KCNJ3: variants seen among roughly 807,000 people sequenced by gnomAD.
KCNJ3 encodes the protein G protein-activated inward rectifier potassium channel 1.
In KCNJ3, 4 loss-of-function variants were observed where a neutral mutation model predicts 39.2. That is an observed-to-expected ratio of 0.10 (90% CI 0.05 to 0.23). The LOEUF is 0.23. Ranked by LOEUF, KCNJ3 falls within the 10% of genes least tolerant of loss-of-function variation. KCNJ3 has a pLI of 1.00. For synonymous variants in KCNJ3, 230 were observed against 237.4 expected (o/e 0.97, Z 0.29); for missense variants, 276 against 634.9 (o/e 0.43, Z 6.08).
chr2:154,725,659 C>CA (rs997965449), intron 2 of KCNJ3, among the ~76,000 whole-genome samples: 4 of 151,938 alleles, frequency 2.6e-5, no homozygotes, highest in African/African-American at 9.7e-5. Flanking sequence ...CAAGACTAAG[C>CA]AAAAAGAACA....
intron 2 of KCNJ3, among the ~76,000 whole-genome samples, chr2:154,769,084 G>A (rs1686187869): frequency 6.6e-6 from 1 of 152,102 alleles, no homozygotes; most frequent in East Asian, 1.9e-4. Flanking sequence ...AGGAGATTTT[G>A]GGCTGAGACA....
At chr2:154,821,768 G>T (rs151208440) in intron 2 of KCNJ3, among the ~76,000 whole-genome samples, 1 of 148,060 alleles carries the variant, frequency 6.8e-6, no homozygotes, top group East Asian at 2.1e-4. Context: ...AGCCTCCTGA[G>T]TAGCTGGGTC....
Position 154,809,369 on chromosome 2 carries a change from G to A in KCNJ3, c.920-45358G>A, listed in dbSNP as rs551218817. On this transcript the variant is annotated intron_variant, in intron 2 of 2. Coordinates refer to ENST00000295101, the MANE Select transcript of KCNJ3 (RefSeq NM_002239.4). ...TTTATTTCATTACGGAGAAAACTGA[G>A]AAGAGCAGTGAATGATCTTACCTAC... 8.5e-5 allele frequency among the ~76,000 whole-genome samples: 13 copies of A among 152,290 alleles called. No homozygotes were observed. The East Asian group carries it at 2.3e-3, about 27-fold the overall frequency.
At chr2:154,708,275 C>T (rs1685047243) in intron 1 of KCNJ3, among the ~76,000 whole-genome samples, 1 of 152,074 alleles carries the variant, frequency 6.6e-6, no homozygotes, top group Non-Finnish European at 1.5e-5. Context: ...CAATTGCTGC[C>T]ATAATGAAGC....
At chr2:154,786,649 G>C (rs1174401860) in intron 2 of KCNJ3, among the ~76,000 whole-genome samples, 2 of 151,926 alleles carry the variant, frequency 1.3e-5, no homozygotes, top group Non-Finnish European at 2.9e-5. Context: ...ATTATTTATT[G>C]CCCCTGGCCC....
At chr2:154,766,229 A>G (rs1686130637) in intron 2 of KCNJ3, among the ~76,000 whole-genome samples, 2 of 152,224 alleles carry the variant, frequency 1.3e-5, no homozygotes, top group Non-Finnish European at 2.9e-5. Context: ...GAATCTCTGC[A>G]TTAACCAGTT....
At chr2:154,824,321 G>T (rs1026815369) in intron 2 of KCNJ3, among the ~76,000 whole-genome samples, 4 of 152,018 alleles carry the variant, frequency 2.6e-5, no homozygotes, top group Admixed American at 2.6e-4. Context: ...GGATGACAGA[G>T]TGAGATCTCA....
intron 2 of KCNJ3, among the ~76,000 whole-genome samples, chr2:154,823,714 TTTAAA>T (rs1216143249): frequency 6.6e-6 from 1 of 152,196 alleles, no homozygotes; most frequent in African/African-American, 2.4e-5. Context: ...CTCAGCCCAA[TTTAAA>T]TTAGTTTCCT....
At chr2:154,781,468 T>G (rs1686436048) in intron 2 of KCNJ3, among the ~76,000 whole-genome samples, 1 of 152,158 alleles carries the variant, frequency 6.6e-6, no homozygotes, top group Non-Finnish European at 1.5e-5. Flanking sequence ...AATTTTAGTA[T>G]TTGCTGGTAG....
chr2:154,824,859 G>A (rs896155903), intron 2 of KCNJ3, among the ~76,000 whole-genome samples: 6 of 152,156 alleles, frequency 3.9e-5, no homozygotes, highest in Non-Finnish European at 7.4e-5. Flanking sequence ...AGGGGTGCAG[G>A]CCAAAGCAAC....
chr2:154,831,395 T>C (rs1278936956), intron 2 of KCNJ3, among the ~76,000 whole-genome samples: 1 of 152,180 alleles, frequency 6.6e-6, no homozygotes, highest in Admixed American at 6.6e-5. Context: ...ATATTAATAA[T>C]TACGGTAGTA....
rs1007000255 is a variant in KCNJ3, at chr2:154,719,070, G to A, written c.919+9251G>A. Among the ~76,000 whole-genome samples the A allele has an allele frequency of 2.6e-5, 4 of 152,204 alleles. No homozygotes were observed. The South Asian group carries it at 6.2e-4, about 24-fold the overall frequency. ...GAGTTTTTTCAAGATGAGGTCTTGG[G>A]ACTACCTGTATCATAATCTCATGGG... On this transcript the variant is annotated intron_variant, in intron 2 of 2. Transcript: ENST00000295101.
chr2:154,830,738 A>ATGAT (rs1381183726), intron 2 of KCNJ3, among the ~76,000 whole-genome samples: 1 of 151,428 alleles, frequency 6.6e-6, no homozygotes, highest in South Asian at 2.1e-4. Flanking sequence ...TTAATGGCAC[A>ATGAT]TGATTAGATG....
At chr2:154,828,561 GA>G (rs1252589892) in intron 2 of KCNJ3, among the ~76,000 whole-genome samples, 1 of 152,134 alleles carries the variant, frequency 6.6e-6, no homozygotes, top group African/African-American at 2.4e-5. Flanking sequence ...TTGGGTTTGA[GA>G]GATGTCCATA....
intron 2 of KCNJ3, among the ~76,000 whole-genome samples, chr2:154,722,372 G>A (rs1685276346): frequency 6.6e-6 from 1 of 152,164 alleles, no homozygotes; most frequent in African/African-American, 2.4e-5. Flanking sequence ...CTAGGGGATG[G>A]ATGAGATCAC....
intron 2 of KCNJ3, among the ~76,000 whole-genome samples, chr2:154,770,732 T>C (rs532322266): frequency 2.0e-5 from 3 of 152,106 alleles, no homozygotes; most frequent in African/African-American, 7.2e-5. Context: ...TTACTCCTTA[T>C]TGTAGTCTCT....
chr2:154,728,591 C>A (rs900731919), intron 2 of KCNJ3, among the ~76,000 whole-genome samples: 7 of 152,182 alleles, frequency 4.6e-5, no homozygotes, highest in African/African-American at 1.7e-4. Context: ...TCAATATCCA[C>A]AATATCCACA....
chr2:154,755,861 AT>A (rs754742162), intron 2 of KCNJ3, among the ~76,000 whole-genome samples: 22 of 152,058 alleles, frequency 1.4e-4, no homozygotes, highest in Non-Finnish European at 3.1e-4. Context: ...GCTTTCTGAT[AT>A]TGTTACTTAA....
In KCNJ3 at chr2:154,820,257, A is replaced by T. The variant is rs116204427; in HGVS notation, c.920-34470A>T. On this transcript the variant is annotated intron_variant, in intron 2 of 2. Coordinates refer to ENST00000295101, the MANE Select transcript of KCNJ3 (RefSeq NM_002239.4). ...CTTTATCTCCCAACGTTATCGAGTT[A>T]TTGAAGAAACTGAAACAATTGATAG... Among the ~76,000 whole-genome samples, 1,294 of 152,298 alleles carry T rather than the reference A, an allele frequency of 8.5e-3. 13 individuals are homozygous for T. Among genetic ancestry groups the T allele is most frequent in the African/African-American group, 0.029 (1,215 of 41,568 alleles).
Sources: allele counts gnomAD v4.1 joint callset (sites outside exome capture counted in the v4.1 genomes callset), GRCh38; gene constraint gnomAD v4.1.1; transcripts MANE v1.5; gene names NCBI Gene and HGNC (gene_info 2026-07-23, HGNC 2026-07-21).